The following GALNT14 variants were observed in gnomAD, a reference collection of about 807,000 sequenced individuals.
GALNT14 encodes the protein UDP-GalNAc:polypeptide N-acetylgalactosaminyltransferase 14.
GALNT14 carries 60 observed loss-of-function variants against 77.5 expected under a neutral mutation model. The ratio of observed to expected loss-of-function variants is 0.77; its 90% confidence interval spans 0.63 to 0.96. The LOEUF (loss-of-function observed/expected upper bound fraction) is 0.96, where lower values mean the gene tolerates loss of function less well. GALNT14 is among the 40% of genes least tolerant of loss of function. GALNT14 has a pLI of 0.00. For missense variants in GALNT14, 710 were observed against 731.0 expected, an observed-to-expected ratio of 0.97 and a Z score of 0.33; for synonymous variants, 280 against 281.7, an observed-to-expected ratio of 0.99 and a Z score of 0.06.
chr2:31,000,583 G>A (rs1670309583), intron 1 of GALNT14, among the ~76,000 whole-genome samples: 2 of 152,106 alleles, frequency 1.3e-5, no homozygotes, highest in Admixed American at 6.5e-5. Context: ...GTAGCCTGGA[G>A]ACCCAGGGAA....
intron 1 of GALNT14, among the ~76,000 whole-genome samples, chr2:31,076,287 C>T (rs555432948): frequency 1.3e-4 from 20 of 152,278 alleles, no homozygotes; most frequent in Middle Eastern, 3.4e-3. Flanking sequence ...ATTCTCTGTA[C>T]GAAGAAACTA....
intron 1 of GALNT14, among the ~76,000 whole-genome samples, chr2:31,032,731 C>T (rs1037877747): frequency 6.6e-6 from 1 of 152,108 alleles, no homozygotes; most frequent in African/African-American, 2.4e-5. Context: ...CATTGCTGAG[C>T]GATCAAGGTC....
At chr2:31,019,020 C>T (rs931401728) in intron 1 of GALNT14, among the ~76,000 whole-genome samples, 7 of 151,462 alleles carry the variant, frequency 4.6e-5, no homozygotes, top group Admixed American at 2.0e-4. Context: ...AGGTACTATG[C>T]TCAGTGCTTT....
intron 11 of GALNT14, 63 bp downstream of exon 11, chr2:30,929,332 A>C (rs1373874784): frequency 7.6e-7 from 1 of 1,319,038 alleles, no homozygotes; most frequent in Non-Finnish European, 1.1e-6. Context: ...ACCCATTTGC[A>C]TCGGTCCTAG....
intron 1 of GALNT14, among the ~76,000 whole-genome samples, chr2:31,117,051 T>TA (rs1040624940): frequency 3.3e-5 from 5 of 151,488 alleles, no homozygotes; most frequent in African/African-American, 4.9e-5. Context: ...AAAAAAAAAT[T>TA]AAAAAAAAGA....
chr2:30,889,097 G>C, the GALNT14 span, among the ~76,000 whole-genome samples: 68 of 152,224 alleles, frequency 4.5e-4, no homozygotes, highest in South Asian at 0.011. Context: ...GTCCTTTTCA[G>C]AGTTGCAGAT....
chr2:30,906,383 AC>A, downstream of GALNT14, among the ~76,000 whole-genome samples: 2 of 149,916 alleles, frequency 1.3e-5, no homozygotes, highest in South Asian at 2.2e-4. Flanking sequence ...CAAATGGAAA[AC>A]AAAAAAAAGG....
chr2:30,930,136 T>C (rs1181679387), intron 10 of GALNT14, among the ~76,000 whole-genome samples: 1 of 152,246 alleles, frequency 6.6e-6, no homozygotes, highest in African/African-American at 2.4e-5. Context: ...ACTGAACTTC[T>C]GTGGCTATCA....
chr2:30,912,486 T>C lies in GALNT14; in HGVS notation c.1381-144A>G. On this transcript the variant is annotated intron_variant, in intron 13 of 14. Transcript: ENST00000349752. ...TAGGCAATGATCATCAAGGTTACCT[T>C]GGAAAATGCTACTCAAGTGCCAGAG... 3.3e-6 allele frequency: 3 copies of C among 908,922 alleles called. No homozygotes were observed. In the East Asian group the frequency reaches 7.6e-5, roughly 23 times the overall value. 56.3% of individuals were successfully genotyped at this position (908,922 alleles called of 1,614,324 possible).
chr2:30,986,838 G>A (rs1418520200), intron 2 of GALNT14: 1 of 152,208 alleles, frequency 6.6e-6, no homozygotes, highest in Non-Finnish European at 1.5e-5. Flanking sequence ...CAGTGACCTG[G>A]AAATGAAGTC....
chr2:30,984,042 C>T (rs1203240667), intron 2 of GALNT14, among the ~76,000 whole-genome samples: 2 of 152,208 alleles, frequency 1.3e-5, no homozygotes, highest in Non-Finnish European at 2.9e-5. Flanking sequence ...CTGTTCTGCT[C>T]AAGTCTGTGC....
chr2:31,095,604 T>C (rs1351243235), intron 1 of GALNT14, among the ~76,000 whole-genome samples: 2 of 152,022 alleles, frequency 1.3e-5, no homozygotes, highest in Non-Finnish European at 2.9e-5. Flanking sequence ...TCCATGAGGG[T>C]AGTGCAGGCT....
chr2:31,089,545 T>C (rs1389252573), intron 1 of GALNT14, among the ~76,000 whole-genome samples: 1 of 152,120 alleles, frequency 6.6e-6, no homozygotes, highest in Non-Finnish European at 1.5e-5. Context: ...TATTTTTTTT[T>C]CTCACTTCTT....
chr2:30,990,680 ATGGCTGC>A (rs1192115241), intron 2 of GALNT14, among the ~76,000 whole-genome samples: 12 of 152,340 alleles, frequency 7.9e-5, no homozygotes, highest in African/African-American at 2.6e-4. Context: ...ATATCCCTAG[ATGGCTGC>A]TGGTCCCATG....
chr2:30,927,372 A>G (rs1028882997), intron 11 of GALNT14, among the ~76,000 whole-genome samples: 16 of 152,224 alleles, frequency 1.1e-4, no homozygotes, highest in Admixed American at 5.2e-4. Context: ...CCTGCAGCTT[A>G]TTAGAAATAC....
At chr2:30,924,690 G>A in intron 12 of GALNT14, 50 bp downstream of exon 12, 1 of 1,516,624 alleles carries the variant, frequency 6.6e-7, no homozygotes, top group South Asian at 1.1e-5. Flanking sequence ...CAAGCCAGCT[G>A]AGGGCCTCTG....
chr2:31,005,667 C>G (rs1206153733), intron 1 of GALNT14, among the ~76,000 whole-genome samples: 8 of 152,142 alleles, frequency 5.3e-5, no homozygotes, highest in Non-Finnish European at 8.8e-5. Context: ...GAAATGGGGT[C>G]TCTGACAGCA....
At chr2:30,992,519 C>A (rs1248536749) in intron 2 of GALNT14, among the ~76,000 whole-genome samples, 4 of 152,122 alleles carry the variant, frequency 2.6e-5, no homozygotes, top group African/African-American at 9.7e-5. Context: ...AAAAACAGGC[C>A]TTGGCTGTAG....
intron 9 of GALNT14, among the ~76,000 whole-genome samples, chr2:30,937,522 T>C (rs1358933984): frequency 6.6e-6 from 1 of 152,156 alleles, no homozygotes; most frequent in Non-Finnish European, 1.5e-5. Flanking sequence ...GAGGTTCCCT[T>C]TTCCACCTGG....
Sources: allele counts gnomAD v4.1 joint callset (sites outside exome capture counted in the v4.1 genomes callset), GRCh38; gene constraint gnomAD v4.1.1; transcripts MANE v1.5; gene names NCBI Gene and HGNC (gene_info 2026-07-23, HGNC 2026-07-21).